Variants in ESR2 observed in about 807,000 individuals in gnomAD.
The protein encoded by ESR2 is estrogen receptor beta.
Under a neutral mutation model 49.6 loss-of-function variants are expected in ESR2, and 36 were observed. That is an observed-to-expected ratio of 0.73 (90% CI 0.56 to 0.96). The LOEUF is 0.96. ESR2 is among the 40% of genes least tolerant of loss of function. The pLI is 0.00. For synonymous variants in ESR2, 320 were observed against 266.1 expected, an observed-to-expected ratio of 1.20 and a Z score of -1.97; for missense variants, 714 against 693.0, an observed-to-expected ratio of 1.03 and a Z score of -0.34.
chr14:64,288,900 C>T (rs977474894), intron 1 of ESR2, among the ~76,000 whole-genome samples: 1 of 149,840 alleles, frequency 6.7e-6, no homozygotes, highest in Non-Finnish European at 1.5e-5. Context: ...GCAGGAGAAT[C>T]GCTTGAACCC....
chr14:64,299,013 T>C (rs1400391263), upstream of ESR2, among the ~76,000 whole-genome samples: 4 of 151,478 alleles, frequency 2.6e-5, no homozygotes, highest in African/African-American at 7.3e-5. Flanking sequence ...AAAAAAGTTA[T>C]AGGACTGTTA....
chr14:64,278,679 A>G (rs1288663393), intron 3 of ESR2, among the ~76,000 whole-genome samples: 2 of 152,202 alleles, frequency 1.3e-5, no homozygotes, highest in East Asian at 3.8e-4. Flanking sequence ...TAAGCAAGAA[A>G]GTGACTTCAG....
chr14:64,293,511 G>A (rs2076905588), intron 1 of ESR2, among the ~76,000 whole-genome samples: 1 of 152,224 alleles, frequency 6.6e-6, no homozygotes, highest in African/African-American at 2.4e-5. Flanking sequence ...ATAACACGCA[G>A]GGTGTTAGAG....
intron 3 of ESR2, among the ~76,000 whole-genome samples, chr14:64,274,996 ACTTGT>A (rs1225572797): frequency 6.6e-6 from 1 of 152,184 alleles, no homozygotes; most frequent in African/African-American, 2.4e-5. Flanking sequence ...ATGTTTTAAC[ACTTGT>A]CTTGTGGCCT....
At chr14:64,278,528 G>A (rs1200574725) in intron 3 of ESR2, among the ~76,000 whole-genome samples, 1 of 152,120 alleles carries the variant, frequency 6.6e-6, no homozygotes, top group African/African-American at 2.4e-5. Context: ...TTCTCTCAAC[G>A]TTGCTTTTCT....
In ESR2 at chr14:64,283,034, G is replaced by T. The variant is rs374747596; in HGVS notation, c.-49C>A. On this transcript the variant is annotated 5_prime_UTR_variant, in exon 2 of 9. Transcript: ENST00000341099. The stretch of plus-strand genomic sequence containing the variant: ...ACACCTTGCAAGAAGAGGCACAAAG[G>T]TCATTATAATGTTCTCAAAGATTCG... 3.9e-6 allele frequency: 6 copies of T among 1,555,736 alleles called. No individual in the cohort carries two copies. The highest frequency in any genetic ancestry group is 4.3e-6 in the Non-Finnish European group (5 of 1,151,568).
chr14:64,242,574 C>G (rs1173840388), intron 7 of ESR2, among the ~76,000 whole-genome samples: 1 of 150,890 alleles, frequency 6.6e-6, no homozygotes, highest in African/African-American at 2.4e-5. Context: ...TCATGATGTG[C>G]TATTCTTTTA....
chr14:64,295,244 A>T (rs151180237), upstream of ESR2, among the ~76,000 whole-genome samples: 2 of 152,014 alleles, frequency 1.3e-5, no homozygotes, highest in African/African-American at 4.8e-5. Context: ...CAAACCATCT[A>T]CTCAGGTGGC....
At chr14:64,307,816 G>A (rs1249088260) in intron 1 of ESR2, among the ~76,000 whole-genome samples, 6 of 152,084 alleles carry the variant, frequency 3.9e-5, no homozygotes, top group Non-Finnish European at 8.8e-5. Flanking sequence ...TTACAGGCGT[G>A]AGCCACCATG....
intron 2 of ESR2, among the ~76,000 whole-genome samples, chr14:64,281,370 A>G (rs2076663627): frequency 1.3e-5 from 2 of 152,190 alleles, no homozygotes. Flanking sequence ...TAATGGATTA[A>G]TTTGCCCAAA....
intron 1 of ESR2, among the ~76,000 whole-genome samples, chr14:64,316,356 C>T (rs757414988): frequency 1.3e-5 from 2 of 151,988 alleles, no homozygotes; most frequent in Non-Finnish European, 2.9e-5. Flanking sequence ...TCTCCATATC[C>T]GGATGGTCTC....
At chr14:64,228,223 A>T (rs1567721268), downstream of ESR2, among the ~76,000 whole-genome samples, 1 of 152,168 alleles carries the variant, frequency 6.6e-6, no homozygotes, top group Non-Finnish European at 1.5e-5. Flanking sequence ...TTCTCAAAGG[A>T]CTCTCTAACC....
chr14:64,317,269 C>T (rs1567799767), intron 1 of ESR2, among the ~76,000 whole-genome samples: 1 of 152,124 alleles, frequency 6.6e-6, no homozygotes, highest in East Asian at 1.9e-4. Flanking sequence ...TATCTCACAA[C>T]ACAAACAAAC....
chr14:64,260,635 G>GCACT lies in ESR2; in HGVS notation c.762_765dup (p.Arg256SerfsTer22). The stretch of plus-strand genomic sequence containing the variant: ...CTCAGGGCGTCCAGCAGCAGCTCCC[G>GCACT]CACTCGGGGCGCGTGGCCGCCACTT... On this transcript the variant is annotated frameshift_variant, in exon 5 of 9. Transcript: ENST00000341099. LOFTEE classifies it high-confidence loss of function. 6.2e-7 allele frequency: 1 copy of GCACT among 1,609,586 alleles called. No homozygotes were observed. The highest frequency in any genetic ancestry group is 8.5e-7 in the Non-Finnish European group (1 of 1,177,876).
chr14:64,228,124 GCAGAGCTTCTTAACTCTTCTGA>G (rs2098723763), downstream of ESR2: 1 of 1,173,178 alleles, frequency 8.5e-7, no homozygotes, highest in Non-Finnish European at 1.1e-6. Flanking sequence ...ATACATTAAA[GCAGAGCTTCTTAACTCTTCTGA>G]AATTGTACTC....
At chr14:64,276,990 T>C (rs1160062659) in intron 3 of ESR2, among the ~76,000 whole-genome samples, 2 of 152,256 alleles carry the variant, frequency 1.3e-5, no homozygotes, top group East Asian at 1.9e-4. Flanking sequence ...CCTGGTACAA[T>C]GCTCAATAAA....
At chr14:64,305,450 C>T (rs920166042) in intron 1 of ESR2, among the ~76,000 whole-genome samples, 1 of 151,740 alleles carries the variant, frequency 6.6e-6, no homozygotes, top group Non-Finnish European at 1.5e-5. Flanking sequence ...GCGGGCGGAT[C>T]ACGAGGTCAG....
intron 7 of ESR2, among the ~76,000 whole-genome samples, chr14:64,246,896 T>G (rs1434369537): frequency 6.6e-6 from 1 of 151,974 alleles, no homozygotes; most frequent in African/African-American, 2.4e-5. Flanking sequence ...GCAGGGGAAA[T>G]GACCTGTTAG....
rs1372211537 is a variant in ESR2, at chr14:64,280,078, A to G, written c.438T>C (p.Ala146=). 2 of 1,614,024 alleles carry G rather than the reference A, an allele frequency of 1.2e-6. No individual in the cohort carries two copies. The highest frequency in any genetic ancestry group is 1.7e-6 in the Non-Finnish European group (2 of 1,179,966). Residue 146 remains alanine (A), a synonymous_variant, in exon 3 of 9, where the codon GCT becomes GCC. Transcript: ENST00000341099. The part of the protein sequence containing the change: ...PVTGPGSKRD[A]HFCAVCSDYA... ...AATCGCTGCAGACAGCGCAGAAGTG[A>G]GCATCCCTCTTTGAACCTGGACCAG... is the stretch of plus-strand genomic sequence containing the variant.
Sources: allele counts gnomAD v4.1 joint callset (sites outside exome capture counted in the v4.1 genomes callset), GRCh38; gene constraint gnomAD v4.1.1; transcripts MANE v1.5; gene names NCBI Gene and HGNC (gene_info 2026-07-23, HGNC 2026-07-21).